The following AKAP7 variants were observed in gnomAD, a reference collection of about 807,000 sequenced individuals.
AKAP7 encodes the protein A-kinase anchoring protein 7, also known as A kinase (PRKA) anchor protein 7.
In AKAP7, 39 loss-of-function variants were observed where a neutral mutation model predicts 39.5. The observed-to-expected ratio is 0.99, with a 90% confidence interval of 0.76 to 1.29. The LOEUF is 1.29. Among genes scored for constraint, AKAP7 ranks in the 50% most tolerant of loss-of-function variants. The pLI, the probability that AKAP7 is intolerant of heterozygous loss-of-function variation, is 0.00. For synonymous variants in AKAP7, 140 were observed against 139.1 expected (o/e 1.01, Z -0.05); for missense variants, 414 against 407.7 (o/e 1.02, Z -0.13).
At chr6:131,155,351 G>A (rs901808097) in intron 2 of AKAP7, among the ~76,000 whole-genome samples, 2 of 152,154 alleles carry the variant, frequency 1.3e-5, no homozygotes, top group African/African-American at 4.8e-5. Context: ...TGTGATATCA[G>A]TAGGCAAATA....
At chr6:131,275,830 C>G (rs1814701088) in intron 7 of AKAP7, among the ~76,000 whole-genome samples, 1 of 152,220 alleles carries the variant, frequency 6.6e-6, no homozygotes, top group African/African-American at 2.4e-5. Context: ...CCAAATGCGC[C>G]AGCACTTGCT....
chr6:131,145,094 G>C (rs1162631281), intron 1 of AKAP7, among the ~76,000 whole-genome samples, 191 bp from the exon 2 acceptor site: 1 of 151,920 alleles, frequency 6.6e-6, no homozygotes, highest in African/African-American at 2.4e-5. Flanking sequence ...CTTTATAAGT[G>C]TACAAAAATA....
At chr6:131,200,313 G>A (rs532707932) in intron 6 of AKAP7, among the ~76,000 whole-genome samples, 6 of 152,226 alleles carry the variant, frequency 3.9e-5, no homozygotes, top group Admixed American at 3.9e-4. Context: ...CCTTCATTTT[G>A]TTTCCTATTT....
Position 131,185,157 on chromosome 6 carries a change from A to G in AKAP7, c.590-14304A>G, listed in dbSNP as rs74608658. On this transcript the variant is annotated intron_variant, in intron 5 of 7. Transcript: ENST00000431975. ...CTCTAAACTGCTGCTGTCCTGAGAG[A>G]TCAGCCCCTCCTTCTTCAGGGTGGG... 1,450 of 553,592 alleles carry G rather than the reference A, an allele frequency of 2.6e-3. 15 individuals are homozygous for G. Among genetic ancestry groups the G allele is most frequent in the African/African-American group, 0.025 (1,352 of 53,034 alleles). The allele number at this position is 553,592 out of a possible 1,614,324, so 34.3% of individuals were successfully genotyped here.
chr6:131,152,881 C>T (rs1008464351), intron 2 of AKAP7, among the ~76,000 whole-genome samples: 2 of 147,124 alleles, frequency 1.4e-5, no homozygotes, highest in African/African-American at 5.0e-5. Flanking sequence ...GTAATCCCAG[C>T]ACTTTGGGAG....
At chr6:131,152,096 C>T (rs2128231796) in intron 2 of AKAP7, among the ~76,000 whole-genome samples, 1 of 152,242 alleles carries the variant, frequency 6.6e-6, no homozygotes, top group East Asian at 1.9e-4. Context: ...TCAGCAAGAC[C>T]AGATTCATTA....
At chr6:131,161,825 C>T (rs1449052513) in intron 3 of AKAP7, among the ~76,000 whole-genome samples, 1 of 151,958 alleles carries the variant, frequency 6.6e-6, no homozygotes, top group Non-Finnish European at 1.5e-5. Flanking sequence ...ATTAGAAGAG[C>T]TCAGGGAGTG....
At chr6:131,194,856 CCTG>C (rs999149721) in intron 5 of AKAP7, among the ~76,000 whole-genome samples, 47 of 152,204 alleles carry the variant, frequency 3.1e-4, no homozygotes, top group African/African-American at 1.1e-3. Flanking sequence ...CATATGCACT[CCTG>C]CTCTGTTTTG....
intron 7 of AKAP7, among the ~76,000 whole-genome samples, chr6:131,274,128 C>T (rs754333690): frequency 9.2e-5 from 14 of 151,946 alleles, no homozygotes; most frequent in Non-Finnish European, 1.3e-4. Flanking sequence ...GTATATAATG[C>T]GTCTTTTTTC....
At chr6:131,147,229 AT>A (rs1239690448) in intron 2 of AKAP7, among the ~76,000 whole-genome samples, 1 of 152,168 alleles carries the variant, frequency 6.6e-6, no homozygotes, top group Non-Finnish European at 1.5e-5. Context: ...TTGTTTAAAA[AT>A]TTTTTTAAAC....
chr6:131,157,011 G>A (rs1419877533), intron 2 of AKAP7, among the ~76,000 whole-genome samples: 2 of 151,928 alleles, frequency 1.3e-5, no homozygotes, highest in Non-Finnish European at 2.9e-5. Context: ...TCCTGACCTC[G>A]TGATCCGCCC....
At chr6:131,256,708 C>CATTATTATTATTATTATT (rs3836928) in intron 7 of AKAP7, among the ~76,000 whole-genome samples, 76 of 148,504 alleles carry the variant, frequency 5.1e-4, no homozygotes, top group Admixed American at 9.5e-4. Context: ...CTTCCTGGGA[C>CATTATTATTATTATTATT]ATTATTATTA....
chr6:131,253,033 A>C (rs910948929), intron 7 of AKAP7: 2 of 1,613,290 alleles, frequency 1.2e-6, no homozygotes, highest in Non-Finnish European at 1.7e-6. Flanking sequence ...TTCTCAAAAC[A>C]CAGGTGAGTT....
chr6:131,227,021 T>G (rs1810228654), intron 7 of AKAP7, among the ~76,000 whole-genome samples: 1 of 152,110 alleles, frequency 6.6e-6, no homozygotes, highest in African/African-American at 2.4e-5. Flanking sequence ...GGCAGAGGAA[T>G]AGATGAATAG....
At chr6:131,154,056 A>G (rs1033612222) in intron 2 of AKAP7, among the ~76,000 whole-genome samples, 1 of 152,042 alleles carries the variant, frequency 6.6e-6, no homozygotes, top group African/African-American at 2.4e-5. Context: ...CTAAAAATAC[A>G]AAAAATTAGC....
intron 7 of AKAP7, among the ~76,000 whole-genome samples, chr6:131,259,908 T>G (rs1813167549): frequency 6.6e-6 from 1 of 152,084 alleles, no homozygotes; most frequent in Non-Finnish European, 1.5e-5. Context: ...ACCCAGGTAT[T>G]AAGCCTTGCA....
At chr6:131,218,859 A>C (rs1809437566) in intron 6 of AKAP7, among the ~76,000 whole-genome samples, 1 of 152,252 alleles carries the variant, frequency 6.6e-6, no homozygotes, top group Non-Finnish European at 1.5e-5. Context: ...CTTACATAAG[A>C]AATTTAAAAA....
intron 5 of AKAP7, among the ~76,000 whole-genome samples, chr6:131,197,503 A>G (rs1426005510): frequency 6.6e-6 from 1 of 152,178 alleles, no homozygotes; most frequent in Admixed American, 6.5e-5. Flanking sequence ...AGTTACAGAC[A>G]TATTAGACAA....
intron 6 of AKAP7, among the ~76,000 whole-genome samples, chr6:131,212,210 G>A (rs1398751479): frequency 1.3e-5 from 2 of 152,126 alleles, no homozygotes; most frequent in Non-Finnish European, 2.9e-5. Context: ...GTAAACAAGG[G>A]GAAATTTCAC....
Sources: gnomAD v4.1 joint callset for allele counts (sites outside exome capture counted in the v4.1 genomes callset) on GRCh38, gnomAD v4.1.1 for gene constraint, MANE v1.5 for transcripts, NCBI Gene and HGNC (gene_info 2026-07-23, HGNC 2026-07-21) for gene names.